The following PSMC4 variants were observed in gnomAD, a reference collection of about 807,000 sequenced individuals.
The protein encoded by PSMC4 is 26S proteasome regulatory subunit 6B.
In PSMC4, 13 loss-of-function variants were observed where a neutral mutation model predicts 48.4. That is an observed-to-expected ratio of 0.27 (90% CI 0.18 to 0.43). The LOEUF is 0.43. Among genes scored for constraint, PSMC4 ranks in the 20% least tolerant of loss-of-function variants. The probability of loss-of-function intolerance (pLI) is 1.00; values close to 1 mark genes in which losing one functional copy is unlikely to be tolerated. For missense variants in PSMC4, 262 were observed against 555.9 expected (o/e 0.47, Z 5.32); for synonymous variants, 202 against 212.3 (o/e 0.95, Z 0.42).
rs200985722 is a variant in PSMC4 at position 39,974,506 on chromosome 19, G to T, written c.470-18G>T. 6.2e-7 allele frequency: 1 copy of T among 1,613,704 alleles called. No individual in the cohort carries two copies. Among genetic ancestry groups the T allele is most frequent in the African/African-American group, 1.3e-5 (1 of 75,054 alleles). On this transcript the variant is annotated intron_variant, in intron 4 of 10. Transcript: ENST00000157812. The surrounding 1 kb of genome is among the most constrained non-coding windows in gnomAD (Gnocchi z 5.5). ...CTTGAGGACCTGGCCAGGAGCCCCA[G>T]CTCTGCTCTCCCACCAGACCAGAAG...
At chr19:39,977,777 G>A (rs1055445929) in intron 6 of PSMC4, among the ~76,000 whole-genome samples, 4 of 151,756 alleles carry the variant, frequency 2.6e-5, no homozygotes, top group South Asian at 2.1e-4. Context: ...AGCGAAGATC[G>A]CACCATTGCA....
At chr19:39,976,846 A>AT (rs1222145410) in intron 6 of PSMC4, among the ~76,000 whole-genome samples, 7,644 of 105,732 alleles carry the variant, frequency 0.072, 380 homozygotes, top group Non-Finnish European at 0.087. Context: ...TTTGTGTGTG[A>AT]TTTTTTTTTT....
At chr19:39,977,866 G>A (rs150297200) in intron 6 of PSMC4, among the ~76,000 whole-genome samples, 138 of 152,108 alleles carry the variant, frequency 9.1e-4, no homozygotes, top group African/African-American at 3.0e-3. Context: ...CACCCAGGCT[G>A]GAGTGCAGTG....
chr19:39,976,284 G>A (rs1303278936), intron 6 of PSMC4, among the ~76,000 whole-genome samples: 21 of 143,092 alleles, frequency 1.5e-4, no homozygotes, highest in African/African-American at 1.8e-4. Flanking sequence ...TTAGCTGGGC[G>A]TGGTGGCCAG....
Position 39,980,475 on chromosome 19 carries a change from G to A in PSMC4, c.1087+21G>A, listed in dbSNP as rs199789009. ...AGACTGTATCCTGCTCCAGAAGTCA[G>A]GGAGGGGCCCTAGTTGGGAACGGGG... On this transcript the variant is annotated intron_variant, in intron 9 of 10. Coordinates refer to ENST00000157812, the MANE Select transcript of PSMC4 (RefSeq NM_006503.4). This position sits in a 1 kb window ranked among gnomAD's most constrained non-coding sequence, Gnocchi z 4.8. The A allele has an allele frequency of 8.9e-5, 143 of 1,613,128 alleles. No individual in the cohort carries two copies. Among genetic ancestry groups the A allele is most frequent in the Non-Finnish European group, 1.2e-4 (140 of 1,179,430 alleles).
In PSMC4 at chr19:39,974,483, T is replaced by A; in HGVS notation, c.470-41T>A. The A allele has an allele frequency of 6.2e-7, 1 of 1,613,208 alleles. No homozygotes were observed. The highest frequency in any genetic ancestry group is 1.3e-5 in the African/African-American group (1 of 74,980). ...AGCTGGGAGGGCCCCATGGGGACCT[T>A]GAGGACCTGGCCAGGAGCCCCAGCT... On this transcript the variant is annotated intron_variant, in intron 4 of 10. Transcript: ENST00000157812. The surrounding 1 kb of genome is among the most constrained non-coding windows in gnomAD (Gnocchi z 5.5).
chr19:39,973,454 C>A (rs1313245589), intron 3 of PSMC4, among the ~76,000 whole-genome samples: 1 of 151,988 alleles, frequency 6.6e-6, no homozygotes, highest in African/African-American at 2.4e-5. Context: ...TGTGGTGGCA[C>A]ACACTTGCCA....
chr19:39,974,766 T>C lies in PSMC4; in HGVS notation c.611T>C (p.Met204Thr). ...IGIDPPRGVLMYGPPGCGKTM... is the reference protein window; with the variant it reads ...IGIDPPRGVLTYGPPGCGKTM... ...ATCGATCCCCCCCGAGGCGTCCTCA[T>C]GTATGGCCCACCTGGCTGTGGGAAG... is the stretch of plus-strand genomic sequence containing the variant. The change falls in exon 6 of 11, where the codon ATG (methionine) becomes ACG (threonine). Residue 204 changes from methionine (M) to threonine (T), a missense_variant. By Grantham distance (81) the Met-to-Thr change is moderately conservative (BLOSUM62 -1). This residue lies in a region of PSMC4 where 131 missense variants were observed against 276.7 expected (regional missense o/e 0.47). Coordinates refer to ENST00000157812, the MANE Select transcript of PSMC4 (RefSeq NM_006503.4). The surrounding 1 kb of genome is among the most constrained non-coding windows in gnomAD (Gnocchi z 5.5). The C allele has an allele frequency of 6.2e-7, 1 of 1,614,162 alleles. No individual in the cohort carries two copies. Among genetic ancestry groups the C allele is most frequent in the Non-Finnish European group, 8.5e-7 (1 of 1,180,022 alleles).
In PSMC4 at chr19:39,972,523, A is replaced by T; in HGVS notation, c.290A>T (p.Asp97Val). Residue 97 changes from aspartate (D) to valine (V), a missense_variant, in exon 3 of 11, where the codon GAT (aspartate) becomes GTT (valine). Asp to Val is a radical substitution (Grantham distance 152). This residue lies in a region of PSMC4 where 131 missense variants were observed against 276.7 expected (regional missense o/e 0.47). Coordinates refer to ENST00000157812, the MANE Select transcript of PSMC4 (RefSeq NM_006503.4). ...LVIGQFLEAV[D>V]QNTAIVGSTT... is the part of the protein sequence containing the mutation. ...ATCGGACAATTTCTGGAGGCTGTGG[A>T]TCAGAATACAGCCATCGTGGGCTCT... 6.2e-7 allele frequency: 1 copy of T among 1,614,038 alleles called. No individual in the cohort carries two copies. The highest frequency in any genetic ancestry group is 8.5e-7 in the Non-Finnish European group (1 of 1,180,006).
rs1971261031 is a variant in PSMC4, at chr19:39,979,860, T to C, written c.717T>C (p.Tyr239=). 1.2e-6 allele frequency: 2 copies of C among 1,613,978 alleles called. No homozygotes were observed. Among genetic ancestry groups the C allele is most frequent in the Non-Finnish European group, 1.7e-6 (2 of 1,180,030 alleles). The change falls in exon 7 of 11, where the codon TAT becomes TAC. Residue 239 remains tyrosine (Y), a synonymous_variant. Transcript: ENST00000157812. ...TGGGCTCGGAGTTTGTACAGAAGTA[T>C]CTGGGTGAGGGCCCCCGCATGGTCC... The part of the protein sequence containing the change: ...RVVGSEFVQK[Y]LGEGPRMVRD...
In PSMC4 at chr19:39,974,744, G is replaced by C; in HGVS notation, c.589G>C (p.Asp197His). Residue 197 changes from aspartate (D) to histidine (H), a missense_variant, in exon 6 of 11, where the codon GAT becomes CAT. Physicochemically the swap from Asp to His is moderately conservative, Grantham distance 81 (BLOSUM62 -1). Around this residue, in one of 4 missense-constraint regions of PSMC4, gnomAD observed 131 missense variants for 276.7 expected, o/e 0.47. Coordinates refer to ENST00000157812, the MANE Select transcript of PSMC4 (RefSeq NM_006503.4). The surrounding 1 kb of genome is among the most constrained non-coding windows in gnomAD (Gnocchi z 5.5). ...TTCCTCTGGGTTTCAGATCGGCATCGATCCCCCCCGAGGCGTCCTCATGTA... is the reference window on the plus strand; with the variant it reads ...TTCCTCTGGGTTTCAGATCGGCATCCATCCCCCCCGAGGCGTCCTCATGTA... ...HFELYKQIGI[D>H]PPRGVLMYGP... 1 of 1,614,044 alleles carries C rather than the reference G, an allele frequency of 6.2e-7. No homozygotes were observed. The highest frequency in any genetic ancestry group is 8.5e-7 in the Non-Finnish European group (1 of 1,179,980).
rs1971274067 is a variant in PSMC4, at chr19:39,980,653, TC to T, written c.1088-8del. 1 of 1,613,952 alleles carries T rather than the reference TC, an allele frequency of 6.2e-7. No homozygotes were observed. Among genetic ancestry groups the T allele is most frequent in the Non-Finnish European group, 8.5e-7 (1 of 1,179,902 alleles). On this transcript the variant is annotated splice_region_variant and splice_polypyrimidine_tract_variant and intron_variant, in intron 9 of 10. Coordinates refer to ENST00000157812, the MANE Select transcript of PSMC4 (RefSeq NM_006503.4). This position sits in a 1 kb window ranked among gnomAD's most constrained non-coding sequence, Gnocchi z 4.8. ...TCACACAGGGAATAGTTTCCTTAAC[TC>T]GCTGCAGATGTGGCCCGGCCAGATA...
Position 39,981,368 on chromosome 19 carries a change from C to G in PSMC4, c.*63C>G. On this transcript the variant is annotated 3_prime_UTR_variant, in exon 11 of 11. Transcript: ENST00000157812. ...GGCTTCTCTCGCACCCCCAGCACCT[C>G]TGTCCCAAAACCTCATTCCCTTTTT... 1 of 1,215,740 alleles carries G rather than the reference C, an allele frequency of 8.2e-7. No homozygotes were observed. The highest frequency in any genetic ancestry group is 1.2e-5 in the South Asian group (1 of 82,260). The allele number at this position is 1,215,740 out of a possible 1,614,324, so 75.3% of individuals were successfully genotyped here.
In PSMC4 at chr19:39,980,186, G is replaced by C. The variant is rs766600606; in HGVS notation, c.918+40G>C. 6.2e-7 allele frequency: 1 copy of C among 1,613,800 alleles called. No homozygotes were observed. Among genetic ancestry groups the C allele is most frequent in the African/African-American group, 1.3e-5 (1 of 74,978 alleles). On this transcript the variant is annotated intron_variant, in intron 8 of 10. Transcript: ENST00000157812. The surrounding 1 kb of genome is among the most constrained non-coding windows in gnomAD (Gnocchi z 4.8). ...ATGGACAAGGGGAGGTGTGGTGTAGGAACTGGGGAAAGTTGGGGGCTGGCA... is the reference window on the plus strand; with the variant it reads ...ATGGACAAGGGGAGGTGTGGTGTAGCAACTGGGGAAAGTTGGGGGCTGGCA...
rs961177561 is a variant in PSMC4, at chr19:39,971,307, T to G, written c.36+69T>G. On this transcript the variant is annotated intron_variant, in intron 1 of 10. Transcript: ENST00000157812. ...GGGAGAGGGTGAAGCCAGACCTGAG[T>G]GGGGGGAGGAATGGCTTCCAGGACC... The G allele has an allele frequency of 5.0e-6, 8 of 1,585,822 alleles. No homozygotes were observed. In the Admixed American group the frequency reaches 1.2e-4, roughly 23 times the overall value.
intron 6 of PSMC4, among the ~76,000 whole-genome samples, chr19:39,977,338 A>T (rs1343564848): frequency 6.6e-6 from 1 of 152,126 alleles, no homozygotes; most frequent in Non-Finnish European, 1.5e-5. Context: ...CAATGAACTA[A>T]AGTTTAGACC....
Position 39,974,852 on chromosome 19 carries a change from G to A in PSMC4, c.673+24G>A, listed in dbSNP as rs766117369. 62 of 1,595,204 alleles carry A rather than the reference G, an allele frequency of 3.9e-5. No homozygotes were observed. The highest frequency in any genetic ancestry group is 6.7e-5 in the African/African-American group (5 of 74,440). On this transcript the variant is annotated intron_variant, in intron 6 of 10. Transcript: ENST00000157812. This position sits in a 1 kb window ranked among gnomAD's most constrained non-coding sequence, Gnocchi z 5.5. ...AGGTGAGCCCTTTCGCCCCTGCCCCGAGCTCTCATCTTCTGGCCTCTTCGC... is the reference window on the plus strand; with the variant it reads ...AGGTGAGCCCTTTCGCCCCTGCCCCAAGCTCTCATCTTCTGGCCTCTTCGC...
rs553108463 is a variant in PSMC4, at chr19:39,972,030, G to T, written c.37-116G>T. The T allele has an allele frequency of 3.1e-6, 3 of 977,744 alleles. No individual in the cohort carries two copies. The South Asian group carries it at 4.4e-5, about 14-fold the overall frequency. The allele number at this position is 977,744 out of a possible 1,614,324, so 60.6% of individuals were successfully genotyped here. A position where few individuals can be genotyped will look rare whatever the true frequency, so the allele number is the denominator to read the frequency against. On this transcript the variant is annotated intron_variant, in intron 1 of 10. Coordinates refer to ENST00000157812, the MANE Select transcript of PSMC4 (RefSeq NM_006503.4). ...GAGGGTCTTAAGATATCAGGGGTCT[G>T]TTAGGGGCTAAGTGACATCAGGGTG...
At chr19:39,978,672 T>A (rs527831640) in intron 6 of PSMC4, among the ~76,000 whole-genome samples, 1 of 152,182 alleles carries the variant, frequency 6.6e-6, no homozygotes, top group African/African-American at 2.4e-5. Flanking sequence ...GGGGTATGCT[T>A]CATACAACAC....
Sources: allele counts gnomAD v4.1 joint callset (sites outside exome capture counted in the v4.1 genomes callset), GRCh38; gene constraint gnomAD v4.1.1; regional missense constraint gnomAD v4.1.1; non-coding constraint Gnocchi (gnomAD v3.1); transcripts MANE v1.5; gene names NCBI Gene and HGNC (gene_info 2026-07-23, HGNC 2026-07-21).